Variants in IGF1R observed in about 807,000 individuals in gnomAD.
IGF1R encodes insulin-like growth factor 1 receptor.
A neutral mutation model predicts 144.6 loss-of-function variants in IGF1R; 44 were observed. The observed-to-expected ratio is 0.30, with a 90% CI of 0.24 to 0.39. The LOEUF is 0.39. IGF1R is among the 10% of genes least tolerant of loss of function. IGF1R has a pLI of 1.00. For missense variants in IGF1R, 1,355 were observed against 1,833.7 expected, an observed-to-expected ratio of 0.74 and a Z score of 4.77; for synonymous variants, 795 against 722.8, an observed-to-expected ratio of 1.10 and a Z score of -1.60.
At chr15:98,738,780 G>T (rs1198407929) in intron 2 of IGF1R, among the ~76,000 whole-genome samples, 1 of 152,120 alleles carries the variant, frequency 6.6e-6, no homozygotes, top group Non-Finnish European at 1.5e-5. Context: ...CAGTTTGCCG[G>T]TCATTTCCCC....
Position 98,924,072 on chromosome 15 carries a change from A to C in IGF1R, c.2622+60A>C. The C allele has an allele frequency of 2.7e-6, 4 of 1,463,926 alleles. No individual in the cohort carries two copies. In the East Asian group the frequency reaches 9.1e-5, roughly 33 times the overall value. The allele number at this position is 1,463,926 out of a possible 1,614,324, so 90.7% of individuals were successfully genotyped here. A position where few individuals can be genotyped will look rare whatever the true frequency, so the allele number is the denominator to read the frequency against. On this transcript the variant is annotated intron_variant, in intron 12 of 20. Coordinates refer to ENST00000650285, the MANE Select transcript of IGF1R (RefSeq NM_000875.5). ...CTTCCATCCATTGACAGCATATGCT[A>C]CCTGACTGCACAGGTTACCTCCTGG... is the stretch of plus-strand genomic sequence containing the variant.
At chr15:98,724,326 A>G (rs1417057640) in intron 2 of IGF1R, among the ~76,000 whole-genome samples, 4 of 152,152 alleles carry the variant, frequency 2.6e-5, no homozygotes, top group Non-Finnish European at 5.9e-5. Context: ...AATGAGTTTC[A>G]TGGAGGGGAG....
At chr15:98,837,310 C>A (rs1203429547) in intron 2 of IGF1R, among the ~76,000 whole-genome samples, 46 of 152,256 alleles carry the variant, frequency 3.0e-4, no homozygotes, top group Non-Finnish European at 8.8e-5. Flanking sequence ...GCAATCTCGG[C>A]TCACTGCAAC....
Position 98,935,443 on chromosome 15 carries a change from A to G in IGF1R, c.3297+17A>G. 7 of 1,384,404 alleles carry G rather than the reference A, an allele frequency of 5.1e-6. No homozygotes were observed. Among genetic ancestry groups the G allele is most frequent in the Non-Finnish European group, 7.0e-6 (7 of 994,144 alleles). 85.8% of individuals were successfully genotyped at this position (1,384,404 alleles called of 1,614,324 possible). A position where few individuals can be genotyped will look rare whatever the true frequency, so the allele number is the denominator to read the frequency against. On this transcript the variant is annotated intron_variant, in intron 17 of 20. Transcript: ENST00000650285. This position sits in a 1 kb window ranked among gnomAD's most constrained non-coding sequence, Gnocchi z 4.2. ...GAAATGGAGGTCAGTTTTCATTTCC[A>G]CCGGTATTGCATGTTGCCTGGCCTG...
At chr15:98,734,294 C>T (rs1050812921) in intron 2 of IGF1R, among the ~76,000 whole-genome samples, 12 of 152,228 alleles carry the variant, frequency 7.9e-5, no homozygotes, top group African/African-American at 1.4e-4. Flanking sequence ...TGTTTTTTTC[C>T]GTGTTTTTTA....
chr15:98,964,143 A>C lies in IGF1R; in HGVS notation c.*6701A>C, dbSNP rs1365367842. 6 of 232,946 alleles carry C rather than the reference A, an allele frequency of 2.6e-5. No homozygotes were observed. Among genetic ancestry groups the C allele is most frequent in the Non-Finnish European group, 5.1e-5 (6 of 117,706 alleles). The allele number at this position is 232,946 out of a possible 1,614,324, so 14.4% of individuals were successfully genotyped here. On this transcript the variant is annotated 3_prime_UTR_variant, in exon 21 of 21. Transcript: ENST00000650285. Reference sequence around the variant, plus strand: ...CCTTTGTCTGGGATAAAAAAAATCAAACCAGAAGGCGGGATGGAATGGATG... The same window carrying C: ...CCTTTGTCTGGGATAAAAAAAATCACACCAGAAGGCGGGATGGAATGGATG...
chr15:98,778,544 C>T (rs2055777632), intron 2 of IGF1R, among the ~76,000 whole-genome samples: 1 of 152,204 alleles, frequency 6.6e-6, no homozygotes, highest in African/African-American at 2.4e-5. Flanking sequence ...ACCCACAGGG[C>T]CCTTGATAAG....
intron 2 of IGF1R, among the ~76,000 whole-genome samples, chr15:98,832,754 C>T (rs1035613814): frequency 6.6e-6 from 1 of 152,156 alleles, no homozygotes; most frequent in African/African-American, 2.4e-5. Flanking sequence ...GAATTATCTT[C>T]CAAAACTGTG....
intron 1 of IGF1R, among the ~76,000 whole-genome samples, chr15:98,694,409 C>T (rs929555613): frequency 6.6e-6 from 1 of 152,140 alleles, no homozygotes; most frequent in African/African-American, 2.4e-5. Context: ...TTAGGGATCC[C>T]CACTTGAACT....
intron 4 of IGF1R, among the ~76,000 whole-genome samples, chr15:98,897,779 A>G (rs2014276500): frequency 6.6e-6 from 1 of 152,222 alleles, no homozygotes; most frequent in East Asian, 1.9e-4. Flanking sequence ...TTTCATTGCC[A>G]AGGGCTTCTA....
chr15:98,685,512 C>G (rs1285039433), intron 1 of IGF1R, among the ~76,000 whole-genome samples: 1 of 152,208 alleles, frequency 6.6e-6, no homozygotes, highest in Non-Finnish European at 1.5e-5. Context: ...CCAGCCCACT[C>G]TACTCTCTGT....
rs183050800 is a variant in IGF1R at position 98,823,035 on chromosome 15, A to G, written c.641-68290A>G. 1.8e-3 allele frequency among the ~76,000 whole-genome samples: 280 copies of G among 152,334 alleles called. 1 individual carries two copies. Among genetic ancestry groups the G allele is most frequent in the Non-Finnish European group, 3.1e-3 (213 of 68,024 alleles). ...AGTTTTAACTTACTCAAAGCTTAGC[A>G]GCCACCTTTTGCTTTTCTTCCCGTT... is the stretch of plus-strand genomic sequence containing the variant. On this transcript the variant is annotated intron_variant, in intron 2 of 20. Transcript: ENST00000650285.
In IGF1R at chr15:98,960,794, C is replaced by T. The variant is rs566734129; in HGVS notation, c.*3352C>T. 1 of 233,798 alleles carries T rather than the reference C, an allele frequency of 4.3e-6. No individual in the cohort carries two copies. Among genetic ancestry groups the T allele is most frequent in the African/African-American group, 2.2e-5 (1 of 45,348 alleles). The allele number at this position is 233,798 out of a possible 1,614,324, so 14.5% of individuals were successfully genotyped here. On this transcript the variant is annotated 3_prime_UTR_variant, in exon 21 of 21. Transcript: ENST00000650285. ...GCAGGAGCAGAGTCCCCTCCCCCTC[C>T]AGGCTGCCCTCTCAACTTCTCCCTC... is the stretch of plus-strand genomic sequence containing the variant.
intron 2 of IGF1R, among the ~76,000 whole-genome samples, chr15:98,810,129 G>T (rs1328463678): frequency 6.8e-6 from 1 of 147,114 alleles, no homozygotes; most frequent in Admixed American, 6.8e-5. Context: ...TTGTAGAAAG[G>T]CATGGTGTGG....
intron 2 of IGF1R, among the ~76,000 whole-genome samples, chr15:98,714,500 G>A (rs1267509740): frequency 6.6e-6 from 1 of 152,108 alleles, no homozygotes; most frequent in African/African-American, 2.4e-5. Flanking sequence ...TAAATAATTA[G>A]CTGGTTGTGG....
intron 1 of IGF1R, among the ~76,000 whole-genome samples, chr15:98,669,117 T>A (rs1331490846): frequency 1.3e-5 from 2 of 152,228 alleles, no homozygotes; most frequent in African/African-American, 4.8e-5. Flanking sequence ...CAAGCCTTCC[T>A]GTTCATCCTG....
intron 5 of IGF1R, among the ~76,000 whole-genome samples, chr15:98,908,228 C>T (rs899701583): frequency 6.6e-6 from 1 of 152,224 alleles, no homozygotes; most frequent in Non-Finnish European, 1.5e-5. Context: ...TCTCCTATCC[C>T]ATCATGCTGC....
intron 2 of IGF1R, among the ~76,000 whole-genome samples, chr15:98,802,838 C>T (rs2056390366): frequency 6.6e-6 from 1 of 152,156 alleles, no homozygotes; most frequent in African/African-American, 2.4e-5. Context: ...ACTTTTCCTA[C>T]AGGAAACTTA....
At chr15:98,702,432 C>T (rs986945689) in intron 1 of IGF1R, among the ~76,000 whole-genome samples, 3 of 152,096 alleles carry the variant, frequency 2.0e-5, no homozygotes, top group East Asian at 1.9e-4. Flanking sequence ...CTTGTTGCAA[C>T]GTCTGCCTTG....
Sources: gnomAD v4.1 joint callset for allele counts (sites outside exome capture counted in the v4.1 genomes callset) on GRCh38, gnomAD v4.1.1 for gene constraint, Gnocchi (gnomAD v3.1) non-coding constraint, MANE v1.5 for transcripts, NCBI Gene and HGNC (gene_info 2026-07-23, HGNC 2026-07-21) for gene names.